The following MCF2L variants were observed in gnomAD, a reference collection of about 807,000 sequenced individuals.
The protein encoded by MCF2L is guanine nucleotide exchange factor DBS.
A neutral mutation model predicts 153.4 loss-of-function variants in MCF2L; 97 were observed. The observed-to-expected ratio is 0.63, with a 90% confidence interval of 0.54 to 0.75. The LOEUF is 0.75. Among genes scored for constraint, MCF2L ranks in the 30% least tolerant of loss-of-function variants. MCF2L has a pLI of 0.00. For synonymous variants in MCF2L, 659 were observed against 632.2 expected, an observed-to-expected ratio of 1.04 and a Z score of -0.64; for missense variants, 1,347 against 1,495.2, an observed-to-expected ratio of 0.90 and a Z score of 1.64.
intron 3 of MCF2L, chr13:113,043,301 A>G (rs941336539): frequency 6.6e-6 from 1 of 152,200 alleles, no homozygotes; most frequent in African/African-American, 2.4e-5. Flanking sequence ...ACTTGAAAGC[A>G]TTTGACTGGG....
At position 112,969,236 on chromosome 13, in the gene MCF2L, A is replaced by G. The variant is rs984681749; in HGVS notation, c.-144A>G. The G allele has an allele frequency of 6.7e-6, 9 of 1,343,590 alleles. No homozygotes were observed. The highest frequency in any genetic ancestry group is 3.0e-5 in the Admixed American group (1 of 32,832). 83.2% of individuals were successfully genotyped at this position (1,343,590 alleles called of 1,614,324 possible). On this transcript the variant is annotated 5_prime_UTR_variant, in exon 1 of 30. Coordinates refer to ENST00000535094, the MANE Select transcript of MCF2L (RefSeq NM_001112732.3). This position sits in a 1 kb window ranked among gnomAD's most constrained non-coding sequence, Gnocchi z 4.8. ...GGCGCGGAACCAATCCTGGGCAGGG[A>G]GGCGGCGGCTGGAGGCTGAAAGCGC...
chr13:112,965,336 G>A (rs1281572546), upstream of MCF2L: 1 of 152,270 alleles, frequency 6.6e-6, no homozygotes, highest in East Asian at 1.9e-4. Context: ...ATACCCAGGT[G>A]CCATGTCACC....
At chr13:112,964,269 G>A (rs941311770), upstream of MCF2L, among the ~76,000 whole-genome samples, 6 of 152,220 alleles carry the variant, frequency 3.9e-5, no homozygotes, top group African/African-American at 1.2e-4. Context: ...CTTGCCTCAG[G>A]AGCAGGTCTC....
intron 1 of MCF2L, chr13:113,001,987 C>T (rs778482127): frequency 2.5e-6 from 4 of 1,576,042 alleles, no homozygotes; most frequent in South Asian, 2.3e-5. Context: ...GGCGCAGGTG[C>T]GTGGGGCGCG....
intron 4 of MCF2L, among the ~76,000 whole-genome samples, chr13:113,058,434 A>AGTGCTGTGTGTTTGG (rs1433014977): frequency 4.0e-5 from 3 of 74,758 alleles, no homozygotes; most frequent in Non-Finnish European, 8.4e-5. Context: ...TGTGTGTTTG[A>AGTGCTGTGTGTTTGG]GTGCTGTGTG....
In MCF2L at chr13:112,961,649, A is replaced by T. The variant is rs138033470; in HGVS notation, c.170-53114A>T. Among the ~76,000 whole-genome samples, 4 of 152,168 alleles carry T rather than the reference A, an allele frequency of 2.6e-5. No individual in the cohort carries two copies. The East Asian group carries it at 7.7e-4, about 29-fold the overall frequency. On this transcript the variant is annotated intron_variant, in intron 2 of 29. Transcript: ENST00000375608. ...GCCGGGACCTGCAGCCCTCCTTCCC[A>T]TGTCTGTGGCCACACACACAGCTGG...
chr13:113,085,226 C>T, intron 20 of MCF2L, 48 bp downstream of exon 20: 1 of 1,561,694 alleles, frequency 6.4e-7, no homozygotes, highest in Middle Eastern at 2.0e-4. Context: ...ACCTGCTGGC[C>T]AGGTGTCTGT....
chr13:113,014,954 G>T, intron 2 of MCF2L, 108 bp downstream of exon 2: 1 of 928,844 alleles, frequency 1.1e-6, no homozygotes. Context: ...AGGGTCATGC[G>T]AGGGGCTGTG....
At chr13:113,032,982 T>TGAGTGGCCCCCGTGAC (rs1566771637) in intron 3 of MCF2L, among the ~76,000 whole-genome samples, 1 of 141,042 alleles carries the variant, frequency 7.1e-6, no homozygotes, top group Non-Finnish European at 1.5e-5. Context: ...GACCCTGTGA[T>TGAGTGGCCCCCGTGAC]GTGAGTGGCC....
At chr13:112,899,588 T>A (rs2081101296) in intron 1 of MCF2L, among the ~76,000 whole-genome samples, 3 of 152,154 alleles carry the variant, frequency 2.0e-5, no homozygotes. Flanking sequence ...TGAGAGCTGT[T>A]GTTCGAAGCA....
intron 2 of MCF2L, among the ~76,000 whole-genome samples, chr13:112,926,625 T>A (rs1196824697): frequency 6.6e-6 from 1 of 152,188 alleles, no homozygotes; most frequent in Non-Finnish European, 1.5e-5. Flanking sequence ...GAGTGCTGTA[T>A]AGCCTTGGAA....
intron 3 of MCF2L, among the ~76,000 whole-genome samples, chr13:113,033,107 A>G (rs1399871521): frequency 6.5e-5 from 5 of 77,432 alleles, no homozygotes; most frequent in Admixed American, 1.3e-4. Context: ...GGCTGCCATG[A>G]CGTGAGTGGC....
chr13:112,996,431 C>T (rs558521058), intron 1 of MCF2L, among the ~76,000 whole-genome samples: 80 of 152,344 alleles, frequency 5.3e-4, no homozygotes, highest in Non-Finnish European at 9.0e-4. Flanking sequence ...CAGGATGGGC[C>T]GTGCTACCCT....
At chr13:112,962,730 G>T (rs927014592) in intron 2 of MCF2L, among the ~76,000 whole-genome samples, 10 of 152,252 alleles carry the variant, frequency 6.6e-5, no homozygotes, top group African/African-American at 2.4e-4. Flanking sequence ...GGGAGGGAAG[G>T]CCCCAACCCC....
At chr13:112,909,351 G>A (rs572372751) in intron 2 of MCF2L, 23 of 776,788 alleles carry the variant, frequency 3.0e-5, no homozygotes, top group South Asian at 6.7e-5. Flanking sequence ...CTACAGACCC[G>A]GCCTCCCCGC....
chr13:113,058,944 T>TGTTTGGGTGCTGAGC (rs1421118742), intron 4 of MCF2L, among the ~76,000 whole-genome samples: 1 of 122,240 alleles, frequency 8.2e-6, no homozygotes, highest in African/African-American at 3.1e-5. Flanking sequence ...GTTTCGGCAC[T>TGTTTGGGTGCTGAGC]GTTTGGGTGC....
In MCF2L at chr13:113,046,064, G is replaced by A. The variant is rs1471742745; in HGVS notation, c.369+703G>A. 6.4e-6 allele frequency: 1 copy of A among 156,052 alleles called. No individual in the cohort carries two copies. The highest frequency in any genetic ancestry group is 1.4e-5 in the Non-Finnish European group (1 of 70,646). The allele number at this position is 156,052 out of a possible 1,614,324, so 9.7% of individuals were successfully genotyped here. ...CTGCACGCTGCCTTCCATAGCAGAA[G>A]GGGAGCTGGGTTTGCTGTTGGTTTT... On this transcript the variant is annotated intron_variant, in intron 4 of 29. Transcript: ENST00000535094. The surrounding 1 kb of genome is among the most constrained non-coding windows in gnomAD (Gnocchi z 4.4).
intron 2 of MCF2L, among the ~76,000 whole-genome samples, chr13:112,955,796 C>G (rs1297107147): frequency 6.6e-6 from 1 of 152,212 alleles, no homozygotes; most frequent in African/African-American, 2.4e-5. Context: ...TGGCCACCTA[C>G]ACACATCTTG....
chr13:113,018,555 AGGCAATGGC>A (rs2084678303), intron 2 of MCF2L, among the ~76,000 whole-genome samples: 1 of 152,182 alleles, frequency 6.6e-6, no homozygotes, highest in South Asian at 2.1e-4. Flanking sequence ...CCAAACCCAG[AGGCAATGGC>A]GCGTCCCCTG....
Sources: gnomAD v4.1 joint callset for allele counts (sites outside exome capture counted in the v4.1 genomes callset) on GRCh38, gnomAD v4.1.1 for gene constraint, Gnocchi (gnomAD v3.1) non-coding constraint, MANE v1.5 for transcripts, NCBI Gene and HGNC (gene_info 2026-07-23, HGNC 2026-07-21) for gene names.